TMEM26: variants seen among roughly 807,000 people sequenced by gnomAD.
TMEM26 encodes transmembrane protein 26.
Under a neutral mutation model 28.8 loss-of-function variants are expected in TMEM26, and 38 were observed. The observed-to-expected ratio is 1.32, with a 90% CI of 1.02 to 1.73. The LOEUF (loss-of-function observed/expected upper bound fraction) is 1.73, where lower values mean the gene tolerates loss of function less well. TMEM26 is among the 40% of genes most tolerant of loss of function. The pLI is 0.00. For missense variants in TMEM26, 518 were observed against 447.1 expected, an observed-to-expected ratio of 1.16 and a Z score of -1.43; for synonymous variants, 227 against 182.9, an observed-to-expected ratio of 1.24 and a Z score of -1.95.
intron 1 of TMEM26, among the ~76,000 whole-genome samples, chr10:61,452,361 G>T (rs1358134994): frequency 6.6e-6 from 1 of 152,252 alleles, no homozygotes; most frequent in Non-Finnish European, 1.5e-5. Flanking sequence ...GACGCGCGCG[G>T]CTGGAGGGAA....
At chr10:61,446,403 C>G (rs4948456) in intron 1 of TMEM26, among the ~76,000 whole-genome samples, 29,730 of 152,004 alleles carry the variant, frequency 0.2, 3,016 homozygotes, top group Admixed American at 0.24. Context: ...TACAAGCAAA[C>G]CTTGGTTTCA....
In TMEM26 at chr10:61,453,058, G is replaced by T; in HGVS notation, c.24C>A (p.Asn8Lys). 6.2e-7 allele frequency: 1 copy of T among 1,613,534 alleles called. No homozygotes were observed. The highest frequency in any genetic ancestry group is 8.5e-7 in the Non-Finnish European group (1 of 1,179,978). The part of the protein sequence containing the change: MEGLVFL[N>K]ALATRLLFLL... ...GGAACAGCAACCGAGTGGCCAGGGC[G>T]TTAAGGAAGACCAGTCCCTCCATGC... Residue 8 changes from asparagine (N) to lysine (K), a missense_variant, in exon 1 of 6, where the codon AAC becomes AAA. Transcript: ENST00000399298.
chr10:61,410,433 G>A lies in TMEM26; in HGVS notation c.996C>T (p.Thr332=). 2 of 1,614,120 alleles carry A rather than the reference G, an allele frequency of 1.2e-6. No homozygotes were observed. Among genetic ancestry groups the A allele is most frequent in the South Asian group, 1.1e-5 (1 of 91,076 alleles). The change falls in exon 6 of 6, where the codon ACC becomes ACT. Residue 332 remains threonine (T), a synonymous_variant. Coordinates refer to ENST00000399298, the MANE Select transcript of TMEM26 (RefSeq NM_178505.8). ...LKGEHGCRAQ[T]SESGPSQRDW... ...CCCGCTGAGAGGGCCCACTCTCAGA[G>A]GTCTGTGCCCGGCAACCATGTTCTC...
chr10:61,419,952 A>G (rs1441120161), intron 4 of TMEM26, among the ~76,000 whole-genome samples: 4 of 152,122 alleles, frequency 2.6e-5, no homozygotes, highest in African/African-American at 9.7e-5. Context: ...TGTACAGAGT[A>G]ACAACAAATA....
chr10:61,424,543 A>T (rs1035925174), intron 4 of TMEM26, among the ~76,000 whole-genome samples: 2 of 152,088 alleles, frequency 1.3e-5, no homozygotes, highest in African/African-American at 4.8e-5. Flanking sequence ...TATTTTTTTA[A>T]TTTTTTACCC....
At position 61,410,429 on chromosome 10, in the gene TMEM26, C is replaced by CA. The variant is rs566163349; in HGVS notation, c.999dup (p.Glu334Ter). 1.7e-4 allele frequency: 280 copies of CA among 1,614,078 alleles called. 2 individuals carry two copies. The South Asian group carries it at 2.8e-3, about 16-fold the overall frequency. On this transcript the variant is annotated frameshift_variant, in exon 6 of 6. Coordinates refer to ENST00000399298, the MANE Select transcript of TMEM26 (RefSeq NM_178505.8). LOFTEE classifies it low-confidence loss of function (END_TRUNC). ...CAGTCCCGCTGAGAGGGCCCACTCT[C>CA]AGAGGTCTGTGCCCGGCAACCATGT...
At chr10:61,419,035 T>C (rs1008462142) in intron 4 of TMEM26, among the ~76,000 whole-genome samples, 1 of 152,126 alleles carries the variant, frequency 6.6e-6, no homozygotes, top group Non-Finnish European at 1.5e-5. Context: ...TAGCCATAGG[T>C]GTGACCACTA....
At chr10:61,433,250 A>G (rs1274407325) in intron 2 of TMEM26, among the ~76,000 whole-genome samples, 3 of 152,062 alleles carry the variant, frequency 2.0e-5, no homozygotes, top group African/African-American at 7.2e-5. Flanking sequence ...TTTGTTATAG[A>G]TTTATGAGAT....
chr10:61,413,365 T>C, intron 5 of TMEM26, 94 bp downstream of exon 5: 2 of 1,529,216 alleles, frequency 1.3e-6, no homozygotes, highest in Non-Finnish European at 1.8e-6. Flanking sequence ...GATACAGACA[T>C]GATAATCCTT....
intron 1 of TMEM26, among the ~76,000 whole-genome samples, chr10:61,445,622 A>G (rs1840167398): frequency 6.6e-6 from 1 of 152,202 alleles, no homozygotes; most frequent in African/African-American, 2.4e-5. Context: ...TATTCTTAAT[A>G]TATTTTCAAT....
At chr10:61,449,779 T>C (rs1840245848) in intron 1 of TMEM26, among the ~76,000 whole-genome samples, 1 of 151,100 alleles carries the variant, frequency 6.6e-6, no homozygotes, top group African/African-American at 2.4e-5. Context: ...ATATGGAAGG[T>C]TTTTTTTTCC....
chr10:61,410,397 G>T lies in TMEM26; in HGVS notation c.1032C>A (p.Asn344Lys). 4 of 1,613,998 alleles carry T rather than the reference G, an allele frequency of 2.5e-6. No homozygotes were observed. Among genetic ancestry groups the T allele is most frequent in the Non-Finnish European group, 2.5e-6 (3 of 1,180,012 alleles). Reference sequence around the variant, plus strand: ...GAATAGCCAGGCCCTCCTTAGACTCGTTCTGCCAGTCCCGCTGAGAGGGCC... The same window carrying T: ...GAATAGCCAGGCCCTCCTTAGACTCTTTCTGCCAGTCCCGCTGAGAGGGCC... The part of the protein sequence containing the change: ...ESGPSQRDWQ[N>K]ESKEGLAIPL... Residue 344 changes from asparagine to lysine, a missense_variant, in exon 6 of 6, where the codon AAC becomes AAA. Coordinates refer to ENST00000399298, the MANE Select transcript of TMEM26 (RefSeq NM_178505.8).
chr10:61,432,643 G>A (rs1313195440), intron 2 of TMEM26, among the ~76,000 whole-genome samples: 2 of 142,166 alleles, frequency 1.4e-5, no homozygotes, highest in African/African-American at 2.8e-5. Context: ...TATTTAGAGA[G>A]GACTTATTTT....
intron 1 of TMEM26, among the ~76,000 whole-genome samples, chr10:61,445,951 T>A (rs569651953): frequency 6.6e-6 from 1 of 152,192 alleles, no homozygotes; most frequent in Non-Finnish European, 1.5e-5. Context: ...TACTGACTTA[T>A]AGGAGCTGCC....
At chr10:61,431,184 C>G (rs1274583198) in intron 3 of TMEM26, 35 bp downstream of exon 3, 2 of 1,549,574 alleles carry the variant, frequency 1.3e-6, no homozygotes, top group Admixed American at 1.7e-5. Flanking sequence ...CCACCATTTT[C>G]TAGATCCTTT....
intron 1 of TMEM26, among the ~76,000 whole-genome samples, chr10:61,437,383 C>A (rs1471211924): frequency 6.6e-6 from 1 of 152,100 alleles, no homozygotes; most frequent in African/African-American, 2.4e-5. Context: ...CAGTGGTGAG[C>A]ATTCAATAAT....
chr10:61,453,351 C>T lies in TMEM26; in HGVS notation c.-270G>A. On this transcript the variant is annotated 5_prime_UTR_variant, in exon 1 of 6. Coordinates refer to ENST00000399298, the MANE Select transcript of TMEM26 (RefSeq NM_178505.8). ...TTCCAGGGAGTCTGGGGCTGCGCTG[C>T]CCTGTCTCCAGGGCGTTATTCTCCA... 1 of 407,454 alleles carries T rather than the reference C, an allele frequency of 2.5e-6. No homozygotes were observed. The highest frequency in any genetic ancestry group is 4.0e-5 in the South Asian group (1 of 24,724). The allele number at this position is 407,454 out of a possible 1,614,324, so 25.2% of individuals were successfully genotyped here.
intron 4 of TMEM26, among the ~76,000 whole-genome samples, chr10:61,420,951 G>A (rs1341130199): frequency 2.0e-5 from 3 of 151,658 alleles, no homozygotes; most frequent in Admixed American, 1.3e-4. Flanking sequence ...AGATTATATA[G>A]AACAACAATT....
chr10:61,413,024 T>A (rs1839593132), intron 5 of TMEM26: 2 of 1,186,150 alleles, frequency 1.7e-6, no homozygotes, highest in Non-Finnish European at 2.2e-6. Context: ...AAATTACTTC[T>A]TACAAATAAT....
Sources: allele counts gnomAD v4.1 joint callset (sites outside exome capture counted in the v4.1 genomes callset), GRCh38; gene constraint gnomAD v4.1.1; transcripts MANE v1.5; gene names NCBI Gene and HGNC (gene_info 2026-07-23, HGNC 2026-07-21).